Variants in SHANK2 observed in about 807,000 individuals in gnomAD.
SHANK2 encodes SH3 and multiple ankyrin repeat domains 2.
A neutral mutation model predicts 133.7 loss-of-function variants in SHANK2; 43 were observed. That is an observed-to-expected ratio of 0.32 (90% CI 0.25 to 0.41). The LOEUF is 0.41. SHANK2 is among the 10% of genes least tolerant of loss of function. SHANK2 has a pLI of 1.00. For missense variants in SHANK2, 1,994 were observed against 2,235.8 expected, an observed-to-expected ratio of 0.89 and a Z score of 2.18; for synonymous variants, 1,017 against 952.8, an observed-to-expected ratio of 1.07 and a Z score of -1.24.
chr11:71,162,597 G>T (rs1236490246), intron 2 of SHANK2, among the ~76,000 whole-genome samples: 1 of 152,226 alleles, frequency 6.6e-6, no homozygotes, highest in African/African-American at 2.4e-5. Context: ...GCATGTGACA[G>T]TGAAATGGGG....
At chr11:70,897,165 G>C (rs1176970805) in intron 10 of SHANK2, among the ~76,000 whole-genome samples, 1 of 152,170 alleles carries the variant, frequency 6.6e-6, no homozygotes, top group Non-Finnish European at 1.5e-5. Flanking sequence ...CATGATCTTT[G>C]ATATGGGAGA....
At chr11:70,621,008 C>T (rs1374801398) in intron 17 of SHANK2, among the ~76,000 whole-genome samples, 1 of 152,218 alleles carries the variant, frequency 6.6e-6, no homozygotes, top group Non-Finnish European at 1.5e-5. Flanking sequence ...TGTGTGACCA[C>T]AACAGGCCTC....
chr11:71,135,815 C>T (rs1256172588), intron 3 of SHANK2, among the ~76,000 whole-genome samples: 6 of 152,196 alleles, frequency 3.9e-5, no homozygotes, highest in South Asian at 2.1e-4. Context: ...CTGGGCTCAG[C>T]GGTGGCCACG....
At chr11:70,828,376 C>T (rs754524272) in intron 11 of SHANK2, among the ~76,000 whole-genome samples, 15 of 152,240 alleles carry the variant, frequency 9.9e-5, no homozygotes, top group South Asian at 2.1e-4. Flanking sequence ...AAAACTCTGC[C>T]GGGGTGACAT....
intron 14 of SHANK2, among the ~76,000 whole-genome samples, chr11:70,760,523 G>A (rs1555039956): frequency 6.6e-6 from 1 of 152,240 alleles, no homozygotes; most frequent in African/African-American, 2.4e-5. Context: ...TTGCAAAGAT[G>A]CTTTTATTTT....
At chr11:71,095,825 C>T (rs890506809) in intron 6 of SHANK2, among the ~76,000 whole-genome samples, 4 of 152,224 alleles carry the variant, frequency 2.6e-5, no homozygotes, top group African/African-American at 9.7e-5. Flanking sequence ...ATGCTTAACC[C>T]CTCCATGTCA....
At chr11:71,115,322 AG>A (rs1385179500) in intron 4 of SHANK2, among the ~76,000 whole-genome samples, 42 of 152,194 alleles carry the variant, frequency 2.8e-4, no homozygotes, top group African/African-American at 8.4e-4. Flanking sequence ...TGCAAAAATT[AG>A]CTGGGCGTGG....
At chr11:70,704,861 C>G (rs1555024562) in intron 14 of SHANK2, among the ~76,000 whole-genome samples, 1 of 152,238 alleles carries the variant, frequency 6.6e-6, no homozygotes, top group Non-Finnish European at 1.5e-5. Context: ...TCAGACACTA[C>G]TTCTTAGCTC....
chr11:70,670,956 C>A (rs1325381348), intron 15 of SHANK2, among the ~76,000 whole-genome samples: 3 of 152,202 alleles, frequency 2.0e-5, no homozygotes, highest in Admixed American at 6.5e-5. Flanking sequence ...CAGAGACGTG[C>A]GCTGGCGGAA....
rs1951169474 is a variant in SHANK2 at position 71,073,156 on chromosome 11, CTTTTTTTTCTTTTTTTTTTT to C, written c.1029+1983_1029+2002del. 7.4e-5 allele frequency among the ~76,000 whole-genome samples: 3 copies of C among 40,812 alleles called. No individual in the cohort carries two copies. In the East Asian group the frequency reaches 1.9e-3, roughly 25 times the overall value. 26.8% of individuals were successfully genotyped at this position (40,812 alleles called of 152,430 possible). On this transcript the variant is annotated intron_variant, in intron 9 of 25. Transcript: ENST00000601538. The stretch of plus-strand genomic sequence containing the variant: ...TTTTTCTTTTTCTTTTCTTTTTTTT[CTTTTTTTTCTTTTTTTTTTT>C]GAGATAGAGTCTTGCTCTGTCACCC...
intron 11 of SHANK2, among the ~76,000 whole-genome samples, chr11:70,849,697 AC>A (rs1227078075): frequency 6.6e-6 from 1 of 152,144 alleles, no homozygotes; most frequent in Non-Finnish European, 1.5e-5. Context: ...AAAGAATGAA[AC>A]CACAGTAAAA....
chr11:70,898,313 T>C (rs35942485), intron 10 of SHANK2, among the ~76,000 whole-genome samples: 8,054 of 80,886 alleles, frequency 0.1, 358 homozygotes, highest in East Asian at 0.2. Flanking sequence ...CACACACACA[T>C]ATATATATGT....
At chr11:70,651,855 C>G (rs1257733275) in intron 17 of SHANK2, among the ~76,000 whole-genome samples, 1 of 152,204 alleles carries the variant, frequency 6.6e-6, no homozygotes, top group Non-Finnish European at 1.5e-5. Flanking sequence ...TATTAAGTAG[C>G]CATTCAAAAC....
At chr11:70,951,060 C>A in intron 10 of SHANK2, 1 of 302,108 alleles carries the variant, frequency 3.3e-6, no homozygotes, top group South Asian at 2.9e-5. Context: ...AGTGATTAGC[C>A]CCATTTCAAA....
intron 3 of SHANK2, among the ~76,000 whole-genome samples, chr11:71,132,486 G>A (rs1565469563): frequency 1.3e-5 from 2 of 152,056 alleles, no homozygotes; most frequent in Non-Finnish European, 2.9e-5. Flanking sequence ...CACTTTTCCC[G>A]TACATTGTTT....
At chr11:70,701,285 T>G (rs577724553) in intron 14 of SHANK2, among the ~76,000 whole-genome samples, 4 of 152,142 alleles carry the variant, frequency 2.6e-5, no homozygotes, top group Non-Finnish European at 5.9e-5. Context: ...AACAAAACTT[T>G]AAACAAAGAG....
intron 3 of SHANK2, among the ~76,000 whole-genome samples, chr11:71,128,524 C>T (rs1952233310): frequency 6.6e-6 from 1 of 152,106 alleles, no homozygotes; most frequent in Admixed American, 6.5e-5. Flanking sequence ...TGGCTGACAC[C>T]AGCCTTGCGA....
chr11:71,166,995 G>T (rs10897688), intron 2 of SHANK2, among the ~76,000 whole-genome samples: 3 of 132,028 alleles, frequency 2.3e-5, no homozygotes, highest in African/African-American at 7.8e-5. Flanking sequence ...TGACTCTTAA[G>T]GAGCATGCTG....
Position 71,170,355 on chromosome 11 carries a change from A to C in SHANK2, c.-12-23017T>G, listed in dbSNP as rs117951438. On this transcript the variant is annotated intron_variant, in intron 2 of 25. Transcript: ENST00000601538. ...GCAGGACAAATATATTTTCTGGCAT[A>C]TATAATAATGAATGACATTTATATT... 3.3e-4 allele frequency among the ~76,000 whole-genome samples: 51 copies of C among 152,342 alleles called. 1 individual carries two copies. In the East Asian group the frequency reaches 8.7e-3, roughly 26 times the overall value.
Sources: allele counts gnomAD v4.1 joint callset (sites outside exome capture counted in the v4.1 genomes callset), GRCh38; gene constraint gnomAD v4.1.1; transcripts MANE v1.5; gene names NCBI Gene and HGNC (gene_info 2026-07-23, HGNC 2026-07-21).